Variants in LYRM4 observed in about 807,000 individuals in gnomAD.
LYRM4 encodes LYR motif containing 4, also known as LYR motif-containing protein 4.
LYRM4 carries 9 observed loss-of-function variants against 11.7 expected under a neutral mutation model. The observed-to-expected ratio is 0.77, with a 90% CI of 0.46 to 1.34. The LOEUF is 1.34. LYRM4 is among the 40% of genes most tolerant of loss of function. The pLI, the probability that LYRM4 is intolerant of heterozygous loss-of-function variation, is 0.00. For missense variants in LYRM4, 133 were observed against 112.5 expected, an observed-to-expected ratio of 1.18 and a Z score of -0.82; for synonymous variants, 42 against 40.4, an observed-to-expected ratio of 1.04 and a Z score of -0.15.
chr6:5,235,285 G>A (rs1480933009), intron 1 of LYRM4, among the ~76,000 whole-genome samples: 1 of 151,856 alleles, frequency 6.6e-6, no homozygotes, highest in Non-Finnish European at 1.5e-5. Context: ...TGGGATTACA[G>A]GCATGAGCCA....
intron 2 of LYRM4, among the ~76,000 whole-genome samples, chr6:5,154,487 C>T (rs1027474749): frequency 6.6e-6 from 1 of 152,176 alleles, no homozygotes; most frequent in African/African-American, 2.4e-5. Flanking sequence ...ATGGAAACAT[C>T]AGAAGACAAC....
At chr6:5,060,512 T>A in the LYRM4 span, among the ~76,000 whole-genome samples, 1 of 152,014 alleles carries the variant, frequency 6.6e-6, no homozygotes, top group Non-Finnish European at 1.5e-5. Context: ...GTATTTTTTT[T>A]TTTTTGAGAC....
At chr6:5,238,699 T>C (rs1320495445) in intron 1 of LYRM4, among the ~76,000 whole-genome samples, 2 of 152,268 alleles carry the variant, frequency 1.3e-5, no homozygotes, top group Non-Finnish European at 2.9e-5. Flanking sequence ...CCTGTTTATT[T>C]TGCTGAAGTT....
chr6:5,172,247 A>G lies in LYRM4; in HGVS notation c.207+44371T>C, dbSNP rs116802237. On this transcript the variant is annotated intron_variant, in intron 2 of 2. Coordinates refer to ENST00000330636, the MANE Select transcript of LYRM4 (RefSeq NM_020408.6). ...GGATTTGCTGCACACCGTGTGTTCC[A>G]ACATGCTGGGAAAGCACGCTGTAAC... Among the ~76,000 whole-genome samples the G allele has an allele frequency of 6.3e-3, 962 of 152,338 alleles. 8 individuals carry two copies. The highest frequency in any genetic ancestry group is 0.014 in the Middle Eastern group (4 of 294).
At chr6:5,078,848 G>T in the LYRM4 span, among the ~76,000 whole-genome samples, 1 of 152,168 alleles carries the variant, frequency 6.6e-6, no homozygotes, top group Non-Finnish European at 1.5e-5. Flanking sequence ...TGTGGCTTTA[G>T]CTTAAGCAAG....
At chr6:5,228,025 C>T (rs1762994317) in intron 1 of LYRM4, among the ~76,000 whole-genome samples, 1 of 152,124 alleles carries the variant, frequency 6.6e-6, no homozygotes, top group African/African-American at 2.4e-5. Context: ...GGACAAATAC[C>T]TATTGCATGT....
At chr6:5,218,529 A>C in intron 1 of LYRM4, 1 of 233,168 alleles carries the variant, frequency 4.3e-6, no homozygotes, top group South Asian at 1.6e-4. Flanking sequence ...ATCTTATGAT[A>C]CTAGGAATCA....
At chr6:5,178,242 A>G (rs1276383402) in intron 2 of LYRM4, among the ~76,000 whole-genome samples, 1 of 152,194 alleles carries the variant, frequency 6.6e-6, no homozygotes, top group African/African-American at 2.4e-5. Flanking sequence ...GTCAAAAGTC[A>G]TTCAGAGTCA....
chr6:5,152,398 C>A (rs549681858), intron 2 of LYRM4, among the ~76,000 whole-genome samples: 1 of 152,192 alleles, frequency 6.6e-6, no homozygotes, highest in Non-Finnish European at 1.5e-5. Context: ...ACATGTACTA[C>A]CTCCAGTGCC....
intron 2 of LYRM4, among the ~76,000 whole-genome samples, chr6:5,213,323 G>T (rs1203745659): frequency 5.9e-5 from 9 of 152,204 alleles, no homozygotes; most frequent in African/African-American, 2.2e-4. Flanking sequence ...GTTATGGGAC[G>T]CGGGGGTGGA....
intron 2 of LYRM4, among the ~76,000 whole-genome samples, chr6:5,167,948 G>A (rs891839797): frequency 6.6e-6 from 1 of 152,096 alleles, no homozygotes; most frequent in Non-Finnish European, 1.5e-5. Context: ...AAGCAAGGAT[G>A]TGTTCAGAGA....
intron 2 of LYRM4, among the ~76,000 whole-genome samples, chr6:5,163,149 C>T (rs914499715): frequency 6.6e-6 from 1 of 152,022 alleles, no homozygotes; most frequent in Non-Finnish European, 1.5e-5. Context: ...AAGTCTTTGC[C>T]TGCTCCAAGT....
chr6:5,154,494 C>T (rs1263197948), intron 2 of LYRM4, among the ~76,000 whole-genome samples: 2 of 152,144 alleles, frequency 1.3e-5, no homozygotes, highest in South Asian at 4.2e-4. Context: ...CATCAGAAGA[C>T]AACCCAACAC....
At chr6:5,123,719 C>T (rs1763570388) in intron 2 of LYRM4, among the ~76,000 whole-genome samples, 1 of 152,234 alleles carries the variant, frequency 6.6e-6, no homozygotes, top group South Asian at 2.1e-4. Flanking sequence ...TTCTGAGGGG[C>T]CCATGCCGAT....
chr6:5,247,024 A>G (rs1764226601), intron 1 of LYRM4, among the ~76,000 whole-genome samples: 1 of 152,164 alleles, frequency 6.6e-6, no homozygotes, highest in Admixed American at 6.5e-5. Flanking sequence ...GACACAGGAA[A>G]GGAGATGTGT....
intron 1 of LYRM4, among the ~76,000 whole-genome samples, chr6:5,244,314 G>A (rs1241790587): frequency 2.0e-5 from 3 of 152,236 alleles, no homozygotes; most frequent in Non-Finnish European, 4.4e-5. Flanking sequence ...TGTAGGTTGG[G>A]TGTACTGCAT....
chr6:5,137,737 T>C (rs973677508), intron 2 of LYRM4, among the ~76,000 whole-genome samples: 12 of 152,188 alleles, frequency 7.9e-5, no homozygotes, highest in Admixed American at 7.2e-4. Context: ...ACCCAGTTGA[T>C]TGTTGCCCTA....
At chr6:5,247,580 C>A (rs570080716) in intron 1 of LYRM4, among the ~76,000 whole-genome samples, 1 of 152,108 alleles carries the variant, frequency 6.6e-6, no homozygotes, top group Non-Finnish European at 1.5e-5. Flanking sequence ...AGTGAATATG[C>A]AGAAAACATG....
chr6:5,069,637 C>T, the LYRM4 span, among the ~76,000 whole-genome samples: 49 of 152,160 alleles, frequency 3.2e-4, no homozygotes, highest in East Asian at 7.3e-3. Context: ...TGCGCCACCA[C>T]GCCTGGATAA....
Sources: allele counts gnomAD v4.1 joint callset (sites outside exome capture counted in the v4.1 genomes callset), GRCh38; gene constraint gnomAD v4.1.1; transcripts MANE v1.5; gene names NCBI Gene and HGNC (gene_info 2026-07-23, HGNC 2026-07-21).